Variants in RPRD1A observed in about 807,000 individuals in gnomAD.
The protein encoded by RPRD1A is regulation of nuclear pre-mRNA domain containing 1A.
Under a neutral mutation model 37.8 loss-of-function variants are expected in RPRD1A, and 9 were observed. That is an observed-to-expected ratio of 0.24 (90% CI 0.14 to 0.42). RPRD1A has a LOEUF of 0.42. Among genes scored for constraint, RPRD1A ranks in the 10% least tolerant of loss-of-function variants. RPRD1A has a pLI of 1.00. For missense variants in RPRD1A, 255 were observed against 371.0 expected (o/e 0.69, Z 2.57); for synonymous variants, 138 against 139.7 (o/e 0.99, Z 0.08).
chr18:36,024,707 C>T (rs1259081465), intron 6 of RPRD1A, among the ~76,000 whole-genome samples: 1 of 152,106 alleles, frequency 6.6e-6, no homozygotes, highest in Non-Finnish European at 1.5e-5. Flanking sequence ...CAAAGATACA[C>T]AATAGATGAA....
At chr18:36,002,500 C>T (rs1313754763) in intron 6 of RPRD1A, among the ~76,000 whole-genome samples, 1 of 152,162 alleles carries the variant, frequency 6.6e-6, no homozygotes, top group Admixed American at 6.5e-5. Flanking sequence ...GCCTTAACCT[C>T]TTGGGCTCAA....
At chr18:36,001,312 C>G (rs1909402921) in intron 6 of RPRD1A, among the ~76,000 whole-genome samples, 1 of 152,124 alleles carries the variant, frequency 6.6e-6, no homozygotes, top group Non-Finnish European at 1.5e-5. Context: ...TTGGTTATTT[C>G]TGTTTTTGAA....
chr18:36,026,662 A>C (rs3786268), intron 6 of RPRD1A: 34,507 of 372,298 alleles, frequency 0.093, 1,919 homozygotes, highest in East Asian at 0.16. Flanking sequence ...GAATTTCACA[A>C]GAATAATTTT....
intron 6 of RPRD1A, among the ~76,000 whole-genome samples, chr18:36,015,949 A>G (rs1487338466): frequency 6.6e-6 from 1 of 152,230 alleles, no homozygotes; most frequent in South Asian, 2.1e-4. Flanking sequence ...TAATATGGCA[A>G]ATTTTATGTG....
At chr18:36,034,839 A>G (rs1029837454) in intron 1 of RPRD1A, among the ~76,000 whole-genome samples, 4 of 152,192 alleles carry the variant, frequency 2.6e-5, no homozygotes, top group Non-Finnish European at 5.9e-5. Flanking sequence ...AGCATTTGAC[A>G]TATTAAAAAG....
Position 36,016,217 on chromosome 18 carries a change from ATCTTT to A in RPRD1A, c.789+10678_789+10682del, listed in dbSNP as rs200113228. Among the ~76,000 whole-genome samples, 652 of 152,168 alleles carry A rather than the reference ATCTTT, an allele frequency of 4.3e-3. 6 individuals carry two copies. Among genetic ancestry groups the A allele is most frequent in the African/African-American group, 0.015 (618 of 41,544 alleles). On this transcript the variant is annotated intron_variant, in intron 6 of 6. Coordinates refer to ENST00000399022, the MANE Select transcript of RPRD1A (RefSeq NM_018170.5). ...ACAACCCCATGTCATTACAAAGAATATCTTTTCTTTTTTCTTTTTTTTGAGGCAGA... is the reference window on the plus strand; with the variant it reads ...ACAACCCCATGTCATTACAAAGAATATCTTTTTTCTTTTTTTTGAGGCAGA...
At chr18:35,994,151 G>A (rs1459069881) in intron 6 of RPRD1A, among the ~76,000 whole-genome samples, 1 of 152,094 alleles carries the variant, frequency 6.6e-6, no homozygotes, top group Non-Finnish European at 1.5e-5. Flanking sequence ...TCAAAGATTT[G>A]GTCTAAGGAA....
chr18:36,061,671 C>T (rs754449589), intron 1 of RPRD1A, among the ~76,000 whole-genome samples: 1 of 152,164 alleles, frequency 6.6e-6, no homozygotes, highest in Non-Finnish European at 1.5e-5. Flanking sequence ...TTAAAACAGT[C>T]ACCTTCAAAG....
At chr18:36,050,476 T>C (rs1338456202) in intron 1 of RPRD1A, among the ~76,000 whole-genome samples, 1 of 152,096 alleles carries the variant, frequency 6.6e-6, no homozygotes, top group East Asian at 1.9e-4. Context: ...GTGTCATATA[T>C]GGATTGCAAA....
At chr18:36,053,686 G>A (rs1300287210) in intron 1 of RPRD1A, among the ~76,000 whole-genome samples, 2 of 152,132 alleles carry the variant, frequency 1.3e-5, no homozygotes, top group Admixed American at 6.5e-5. Flanking sequence ...ATACCTAGGA[G>A]TGAAATTACT....
At chr18:36,051,986 A>T (rs1913427428) in intron 1 of RPRD1A, among the ~76,000 whole-genome samples, 1 of 152,144 alleles carries the variant, frequency 6.6e-6, no homozygotes, top group African/African-American at 2.4e-5. Context: ...AGCTTAACAA[A>T]CTTCAAGCAA....
In RPRD1A at chr18:36,067,237, A is replaced by T; in HGVS notation, c.151+17T>A. ...GGCCGGGTGGTGGGAAGCGGCCGAC[A>T]TAAGCGGTTGACTCACCTTTCCGCA... On this transcript the variant is annotated intron_variant, in intron 1 of 6. Transcript: ENST00000399022. The T allele has an allele frequency of 6.4e-7, 1 of 1,562,312 alleles. No homozygotes were observed. The highest frequency in any genetic ancestry group is 8.7e-7 in the Non-Finnish European group (1 of 1,151,710).
chr18:36,020,460 A>G (rs1446681444), intron 6 of RPRD1A, among the ~76,000 whole-genome samples: 1 of 152,230 alleles, frequency 6.6e-6, no homozygotes, highest in Non-Finnish European at 1.5e-5. Flanking sequence ...ATATTCAGAA[A>G]TCATCAAAGA....
intron 6 of RPRD1A, among the ~76,000 whole-genome samples, chr18:35,993,941 C>T (rs1052734985): frequency 6.6e-6 from 1 of 152,160 alleles, no homozygotes; most frequent in Non-Finnish European, 1.5e-5. Context: ...CCTTCTTATG[C>T]GTGGAGGACT....
At chr18:36,065,652 C>G (rs951655583) in intron 1 of RPRD1A, among the ~76,000 whole-genome samples, 2 of 152,190 alleles carry the variant, frequency 1.3e-5, no homozygotes, top group African/African-American at 2.4e-5. Flanking sequence ...ACTTCATCAA[C>G]TAAGTTGATC....
chr18:36,043,099 A>G (rs991629197), intron 1 of RPRD1A, among the ~76,000 whole-genome samples: 1 of 149,588 alleles, frequency 6.7e-6, no homozygotes, highest in African/African-American at 2.5e-5. Flanking sequence ...CGATTGATGT[A>G]TTGATATGGA....
At chr18:36,056,490 G>A (rs1321105728) in intron 1 of RPRD1A, among the ~76,000 whole-genome samples, 1 of 152,084 alleles carries the variant, frequency 6.6e-6, no homozygotes, top group African/African-American at 2.4e-5. Flanking sequence ...GTTTCACCAT[G>A]TTGGCTAGGC....
chr18:36,043,607 A>G (rs1339386321), intron 1 of RPRD1A, among the ~76,000 whole-genome samples: 1 of 152,210 alleles, frequency 6.6e-6, no homozygotes, highest in African/African-American at 2.4e-5. Flanking sequence ...GTCAACTGGA[A>G]CAGTTATGGA....
intron 1 of RPRD1A, among the ~76,000 whole-genome samples, chr18:36,035,162 C>T (rs1912101472): frequency 6.6e-6 from 1 of 152,162 alleles, no homozygotes; most frequent in African/African-American, 2.4e-5. Flanking sequence ...CTTTTGTACC[C>T]ATCCTTGCCC....
Sources: gnomAD v4.1 joint callset for allele counts (sites outside exome capture counted in the v4.1 genomes callset) on GRCh38, gnomAD v4.1.1 for gene constraint, MANE v1.5 for transcripts, NCBI Gene and HGNC (gene_info 2026-07-23, HGNC 2026-07-21) for gene names.